EYS: variants seen among roughly 807,000 people sequenced by gnomAD.
The protein encoded by EYS is EGF-like photoreceptor maintenance factor.
In EYS, 250 loss-of-function variants were observed where a neutral mutation model predicts 282.1. The ratio of observed to expected loss-of-function variants is 0.89; its 90% CI spans 0.80 to 0.98. EYS has a LOEUF of 0.98. Among genes scored for constraint, EYS ranks in the 50% least tolerant of loss-of-function variants. The probability of loss-of-function intolerance (pLI) is 0.00; values close to 1 mark genes in which losing one functional copy is unlikely to be tolerated. For missense variants in EYS, 4,016 were observed against 3,709.0 expected (o/e 1.08, Z -2.15); for synonymous variants, 1,355 against 1,282.9 (o/e 1.06, Z -1.20).
chr6:64,406,206 T>A (rs1297314902), intron 28 of EYS, among the ~76,000 whole-genome samples: 1 of 152,098 alleles, frequency 6.6e-6, no homozygotes, highest in Non-Finnish European at 1.5e-5. Context: ...AAACAAGCAA[T>A]AAGGAAATGA....
chr6:64,858,614 T>C (rs1206202969), intron 19 of EYS, among the ~76,000 whole-genome samples: 3 of 152,164 alleles, frequency 2.0e-5, no homozygotes, highest in Admixed American at 2.0e-4. Flanking sequence ...TTAAGATAAT[T>C]TTTTTATTTT....
intron 14 of EYS, among the ~76,000 whole-genome samples, chr6:64,963,502 G>A (rs1769993765): frequency 6.6e-6 from 1 of 152,142 alleles, no homozygotes; most frequent in Admixed American, 6.6e-5. Context: ...GTGACCTACT[G>A]TGAAACTTTT....
At chr6:64,247,838 T>A (rs9344918) in intron 30 of EYS, among the ~76,000 whole-genome samples, 41,291 of 152,028 alleles carry the variant, frequency 0.27, 5,832 homozygotes, top group East Asian at 0.44. Flanking sequence ...GGTAAATATT[T>A]GTATGGTGGA....
Position 64,266,234 on chromosome 6 carries a change from A to T in EYS, c.6192-35410T>A, listed in dbSNP as rs530943064. Among the ~76,000 whole-genome samples, 294 of 152,260 alleles carry T rather than the reference A, an allele frequency of 1.9e-3. 2 individuals are homozygous for T. Among genetic ancestry groups the T allele is most frequent in the African/African-American group, 6.9e-3 (285 of 41,570 alleles). ...CAGACACTAAATACTCAATTAATTT[A>T]TTAGTGATTGGGTGTTTTAATTAAG... On this transcript the variant is annotated intron_variant, in intron 30 of 42. Coordinates refer to ENST00000503581, the MANE Select transcript of EYS (RefSeq NM_001142800.2).
In EYS at chr6:65,207,824, C is replaced by T. The variant is rs62407246; in HGVS notation, c.2023+88039G>A. Among the ~76,000 whole-genome samples the T allele has an allele frequency of 7.7e-3, 1,169 of 151,514 alleles. 16 individuals carry two copies. The highest frequency in any genetic ancestry group is 9.0e-3 in the Non-Finnish European group (608 of 67,568). On this transcript the variant is annotated intron_variant, in intron 12 of 42. Transcript: ENST00000503581. ...GGTGATGGAAAAATTGGCTAGTCTA[C>T]GTATAACAATGAAACTGGACTATCA...
intron 12 of EYS, among the ~76,000 whole-genome samples, chr6:65,242,986 G>T (rs1470733433): frequency 1.3e-5 from 2 of 151,988 alleles, no homozygotes; most frequent in African/African-American, 4.8e-5. Flanking sequence ...TTATTGAATT[G>T]TAAGTGTTCT....
chr6:63,855,801 A>G lies in EYS; in HGVS notation c.7228+8385T>C, dbSNP rs187591632. Among the ~76,000 whole-genome samples the G allele has an allele frequency of 2.1e-3, 316 of 152,336 alleles. 2 individuals carry two copies. Among genetic ancestry groups the G allele is most frequent in the Middle Eastern group, 3.4e-3 (1 of 294 alleles). On this transcript the variant is annotated intron_variant, in intron 36 of 42. Transcript: ENST00000503581. ...CTATTGGGTTAGCTGAGGTCTGCCC[A>G]TGCAAAACTTGCACATCATTTTAAA... is the stretch of plus-strand genomic sequence containing the variant.
At chr6:63,983,673 T>C (rs930404554) in intron 35 of EYS, among the ~76,000 whole-genome samples, 1 of 151,796 alleles carries the variant, frequency 6.6e-6, no homozygotes, top group Admixed American at 6.6e-5. Context: ...CTTGAATTAT[T>C]GTAAGTTGTA....
chr6:64,426,004 A>G (rs746011315), intron 28 of EYS, among the ~76,000 whole-genome samples: 1 of 152,158 alleles, frequency 6.6e-6, no homozygotes, highest in East Asian at 1.9e-4. Context: ...AGGTGTTTAG[A>G]TAGATGAGTC....
intron 22 of EYS, among the ~76,000 whole-genome samples, chr6:64,770,203 C>A (rs1050900839): frequency 6.6e-6 from 1 of 151,816 alleles, no homozygotes; most frequent in Non-Finnish European, 1.5e-5. Context: ...TTAATACTTT[C>A]TTTTGACTAC....
intron 12 of EYS, among the ~76,000 whole-genome samples, chr6:65,176,209 AC>A (rs1317463647): frequency 4.0e-5 from 6 of 151,464 alleles, no homozygotes; most frequent in Non-Finnish European, 8.9e-5. Context: ...CATAACTAAA[AC>A]TTTTTATCCC....
At chr6:63,950,959 G>C (rs756600337) in intron 35 of EYS, among the ~76,000 whole-genome samples, 32 of 152,058 alleles carry the variant, frequency 2.1e-4, no homozygotes, top group Non-Finnish European at 4.4e-4. Context: ...TAATCACTGC[G>C]GGGATGCCTG....
chr6:65,287,562 A>T (rs972540295), intron 12 of EYS, among the ~76,000 whole-genome samples: 1 of 151,430 alleles, frequency 6.6e-6, no homozygotes, highest in African/African-American at 2.4e-5. Context: ...ATAATTATGC[A>T]AACAATGTTT....
intron 29 of EYS, among the ~76,000 whole-genome samples, chr6:64,378,453 C>T (rs1234382155): frequency 6.6e-6 from 1 of 152,090 alleles, no homozygotes; most frequent in Non-Finnish European, 1.5e-5. Context: ...GCATCACAGT[C>T]AATTTCTAAA....
chr6:64,134,126 A>T (rs2150283703), intron 31 of EYS, among the ~76,000 whole-genome samples: 1 of 152,246 alleles, frequency 6.6e-6, no homozygotes, highest in Admixed American at 6.6e-5. Flanking sequence ...GATTTATTGA[A>T]GCAGGATCAG....
chr6:64,368,054 G>C (rs7744580), intron 29 of EYS, among the ~76,000 whole-genome samples: 1 of 151,878 alleles, frequency 6.6e-6, no homozygotes, highest in Non-Finnish European at 1.5e-5. Context: ...GGTAATAAGC[G>C]TAGTATCCAA....
rs1269882386 is a variant in EYS at position 63,957,703 on chromosome 6, G to A, written c.7055+26680C>T. 4.3e-5 allele frequency among the ~76,000 whole-genome samples: 6 copies of A among 140,276 alleles called. 1 individual carries two copies. Among genetic ancestry groups the A allele is most frequent in the African/African-American group, 1.5e-4 (6 of 40,884 alleles). 92.0% of individuals were successfully genotyped at this position (140,276 alleles called of 152,430 possible). ...CCTGTTTGGATACCATGTATATTAG[G>A]TTCTAACTTACAATATTCTTAAGTA... On this transcript the variant is annotated intron_variant, in intron 35 of 42. Coordinates refer to ENST00000503581, the MANE Select transcript of EYS (RefSeq NM_001142800.2).
intron 22 of EYS, among the ~76,000 whole-genome samples, chr6:64,702,496 A>G (rs1770826349): frequency 6.6e-6 from 1 of 152,116 alleles, no homozygotes; most frequent in Non-Finnish European, 1.5e-5. Flanking sequence ...TATGTACTTT[A>G]TGTAATCAAT....
intron 33 of EYS, among the ~76,000 whole-genome samples, chr6:64,004,860 A>G (rs563315308): frequency 6.6e-6 from 1 of 152,194 alleles, no homozygotes; most frequent in African/African-American, 2.4e-5. Flanking sequence ...TATCCAGTCT[A>G]CCACTGATAT....
Sources: gnomAD v4.1 joint callset for allele counts (sites outside exome capture counted in the v4.1 genomes callset) on GRCh38, gnomAD v4.1.1 for gene constraint, MANE v1.5 for transcripts, NCBI Gene and HGNC (gene_info 2026-07-23, HGNC 2026-07-21) for gene names.